Variants in ALDH9A1 observed in about 807,000 individuals in gnomAD.
ALDH9A1 encodes the protein 4-trimethylaminobutyraldehyde dehydrogenase.
Under a neutral mutation model 56.6 loss-of-function variants are expected in ALDH9A1, and 42 were observed. The ratio of observed to expected loss-of-function variants is 0.74; its 90% confidence interval spans 0.58 to 0.96. ALDH9A1 has a LOEUF of 0.96. Among genes scored for constraint, ALDH9A1 ranks in the 40% least tolerant of loss-of-function variants. ALDH9A1 has a pLI of 0.00. For missense variants in ALDH9A1, 661 were observed against 651.5 expected, an observed-to-expected ratio of 1.01 and a Z score of -0.16; for synonymous variants, 242 against 236.0, an observed-to-expected ratio of 1.03 and a Z score of -0.23.
intron 2 of ALDH9A1, among the ~76,000 whole-genome samples, chr1:165,688,716 A>G (rs1294021026): frequency 6.6e-6 from 1 of 152,196 alleles, no homozygotes; most frequent in African/African-American, 2.4e-5. Context: ...AAAAAAGAAC[A>G]AAGAACTGCA....
At chr1:165,680,409 C>A in intron 5 of ALDH9A1, 78 bp downstream of exon 5, 1 of 1,484,032 alleles carries the variant, frequency 6.7e-7, no homozygotes, top group African/African-American at 1.4e-5. Context: ...GAGAAGCCTC[C>A]AAAATATACT....
chr1:165,690,867 G>C (rs574967699), intron 2 of ALDH9A1, among the ~76,000 whole-genome samples: 1 of 152,312 alleles, frequency 6.6e-6, no homozygotes, highest in South Asian at 2.1e-4. Context: ...CAGGAAGCTC[G>C]AACCGAGTGG....
At chr1:165,669,154 C>T in intron 7 of ALDH9A1, 108 bp downstream of exon 7, 1 of 1,338,282 alleles carries the variant, frequency 7.5e-7, no homozygotes, top group South Asian at 1.4e-5. Flanking sequence ...TGCTAATAGT[C>T]CAATGAATAA....
chr1:165,686,723 G>A (rs1649721194), intron 2 of ALDH9A1, among the ~76,000 whole-genome samples: 1 of 152,030 alleles, frequency 6.6e-6, no homozygotes, highest in Admixed American at 6.6e-5. Flanking sequence ...CCAGAACAAA[G>A]CTTAAGAATA....
chr1:165,685,331 A>G (rs1649674052), intron 2 of ALDH9A1, among the ~76,000 whole-genome samples: 1 of 152,246 alleles, frequency 6.6e-6, no homozygotes, highest in Non-Finnish European at 1.5e-5. Flanking sequence ...TTGAAGCCCA[A>G]CAGACTAGCT....
intron 1 of ALDH9A1, among the ~76,000 whole-genome samples, chr1:165,697,866 T>C (rs554065864): frequency 1.3e-5 from 2 of 151,454 alleles, no homozygotes; most frequent in East Asian, 3.9e-4. Context: ...CCGTCTCTAC[T>C]AAAAATACAA....
intron 4 of ALDH9A1, among the ~76,000 whole-genome samples, chr1:165,681,005 C>A (rs1649534993): frequency 6.6e-6 from 1 of 152,068 alleles, no homozygotes; most frequent in Admixed American, 6.6e-5. Context: ...AAGCGGAAAC[C>A]CCTGATAAAC....
intron 1 of ALDH9A1, 31 bp downstream of exon 1, chr1:165,698,347 C>A: frequency 6.4e-7 from 1 of 1,569,652 alleles, no homozygotes; most frequent in Middle Eastern, 1.8e-4. Flanking sequence ...GGCCCCAGGG[C>A]GCCCCAGCCT....
At chr1:165,666,858 A>C (rs1649025702) in intron 9 of ALDH9A1, among the ~76,000 whole-genome samples, 1 of 152,218 alleles carries the variant, frequency 6.6e-6, no homozygotes, top group Admixed American at 6.5e-5. Flanking sequence ...ATATTACTAT[A>C]ATATTTAAAA....
chr1:165,662,573 TG>T lies in ALDH9A1; in HGVS notation c.*476del, dbSNP rs1648875914. On this transcript the variant is annotated 3_prime_UTR_variant, in exon 11 of 11. Transcript: ENST00000354775. Reference sequence around the variant, plus strand: ...AGGAACAAGGTTTTTTTTTGTTTTTTGTTTTTTTTCTTCAAGACTAGGCAAG... The same window carrying T: ...AGGAACAAGGTTTTTTTTTGTTTTTTTTTTTTTTCTTCAAGACTAGGCAAG... 1 of 153,556 alleles carries T rather than the reference TG, an allele frequency of 6.5e-6. No individual in the cohort carries two copies. The highest frequency in any genetic ancestry group is 1.5e-5 in the Non-Finnish European group (1 of 68,932). The allele number at this position is 153,556 out of a possible 1,614,324, so 9.5% of individuals were successfully genotyped here. A position where few individuals can be genotyped will look rare whatever the true frequency, so the allele number is the denominator to read the frequency against.
intron 6 of ALDH9A1, among the ~76,000 whole-genome samples, chr1:165,677,094 C>T (rs1411492076): frequency 2.0e-5 from 3 of 152,126 alleles, no homozygotes; most frequent in African/African-American, 7.2e-5. Context: ...AAAAACAGGC[C>T]GGGCACGGTG....
chr1:165,676,603 GA>G lies in ALDH9A1; in HGVS notation c.930+2838del. The G allele has an allele frequency of 9.8e-6, 3 of 304,722 alleles. No individual in the cohort carries two copies. In the South Asian group the frequency reaches 1.1e-4, roughly 11 times the overall value. 18.9% of individuals were successfully genotyped at this position (304,722 alleles called of 1,614,324 possible). A position where few individuals can be genotyped will look rare whatever the true frequency, so the allele number is the denominator to read the frequency against. Reference sequence around the variant, plus strand: ...ACATTGAGCACATTAAGCGCTCTAAGACCCAAGATAGCTTCTGAAATGCATG... The same window carrying G: ...ACATTGAGCACATTAAGCGCTCTAAGCCCAAGATAGCTTCTGAAATGCATG... On this transcript the variant is annotated intron_variant, in intron 6 of 10. Transcript: ENST00000354775.
At position 165,679,703 on chromosome 1, in the gene ALDH9A1, G is replaced by C; in HGVS notation, c.790-121C>G. On this transcript the variant is annotated intron_variant, in intron 5 of 10. Transcript: ENST00000354775. ...GTTTGTGACCTGTAGCCTTATTCTT[G>C]TCAATATCCTTTGCCTTTTGGCTAT... 2.9e-6 allele frequency: 3 copies of C among 1,036,758 alleles called. No homozygotes were observed. In the South Asian group the frequency reaches 4.5e-5, roughly 16 times the overall value. The allele number at this position is 1,036,758 out of a possible 1,614,324, so 64.2% of individuals were successfully genotyped here.
At chr1:165,682,001 C>T (rs967001715) in intron 4 of ALDH9A1, 106 bp downstream of exon 4, 19 of 1,455,886 alleles carry the variant, frequency 1.3e-5, no homozygotes, top group South Asian at 5.3e-5. Context: ...AGGCCCCTTC[C>T]GATTTAAAGT....
chr1:165,684,309 C>A (rs10800130), intron 2 of ALDH9A1, among the ~76,000 whole-genome samples: 98,944 of 151,996 alleles, frequency 0.65, 32,640 homozygotes, highest in East Asian at 0.95. Context: ...ATCAATATTG[C>A]AATTTTTGAA....
At chr1:165,678,018 G>C (rs1003871140) in intron 6 of ALDH9A1, among the ~76,000 whole-genome samples, 3 of 151,964 alleles carry the variant, frequency 2.0e-5, no homozygotes, top group African/African-American at 7.3e-5. Flanking sequence ...CTGGGTGACA[G>C]AGTGAGACTC....
intron 1 of ALDH9A1, 90 bp from the exon 2 acceptor site, chr1:165,695,487 C>CA: frequency 3.0e-6 from 1 of 337,850 alleles, no homozygotes; most frequent in Non-Finnish European, 4.1e-6. Flanking sequence ...TAGTAGTAGT[C>CA]TTTTTTTTTT....
intron 8 of ALDH9A1, 62 bp from the exon 9 acceptor site, chr1:165,667,512 A>C (rs2176151): frequency 7.8e-5 from 122 of 1,571,598 alleles, no homozygotes; most frequent in Non-Finnish European, 9.0e-5. Context: ...CACCACCCCC[A>C]GCTAATTTTT....
chr1:165,669,034 T>C (rs750467431), intron 7 of ALDH9A1, 21 bp from the exon 8 acceptor site: 38 of 1,559,512 alleles, frequency 2.4e-5, no homozygotes, highest in Non-Finnish European at 3.3e-5. Context: ...GGAAAAAAGA[T>C]ATGTTGTATT....
Sources: gnomAD v4.1 joint callset for allele counts (sites outside exome capture counted in the v4.1 genomes callset) on GRCh38, gnomAD v4.1.1 for gene constraint, MANE v1.5 for transcripts, NCBI Gene and HGNC (gene_info 2026-07-23, HGNC 2026-07-21) for gene names.